The following TNR variants were observed in gnomAD, a reference collection of about 807,000 sequenced individuals.
TNR encodes the protein tenascin R.
Under a neutral mutation model 150.4 loss-of-function variants are expected in TNR, and 45 were observed. The observed-to-expected ratio is 0.30, with a 90% CI of 0.24 to 0.38. TNR has a LOEUF of 0.38. Ranked by LOEUF, TNR falls within the 10% of genes least tolerant of loss-of-function variation. TNR has a pLI of 1.00. For missense variants in TNR, 1,544 were observed against 1,759.1 expected (o/e 0.88, Z 2.19); for synonymous variants, 687 against 678.4 (o/e 1.01, Z -0.20).
chr1:175,541,688 C>T (rs982444224), intron 1 of TNR, among the ~76,000 whole-genome samples: 13 of 152,110 alleles, frequency 8.5e-5, no homozygotes, highest in Admixed American at 3.3e-4. Flanking sequence ...GTATATGTTG[C>T]TGCATGAGGT....
intron 2 of TNR, among the ~76,000 whole-genome samples, chr1:175,518,519 C>T (rs556118338): frequency 8.5e-5 from 13 of 152,228 alleles, no homozygotes; most frequent in African/African-American, 3.1e-4. Flanking sequence ...TCCATTAGAA[C>T]TCCTGCTGTA....
At chr1:175,643,099 T>A (rs1181430620) in intron 1 of TNR, among the ~76,000 whole-genome samples, 2 of 152,324 alleles carry the variant, frequency 1.3e-5, no homozygotes, top group East Asian at 3.9e-4. Context: ...GAAACAATGA[T>A]GTTTCTCTCA....
At chr1:175,721,804 G>T (rs188923043) in intron 1 of TNR, among the ~76,000 whole-genome samples, 1 of 152,048 alleles carries the variant, frequency 6.6e-6, no homozygotes, top group Admixed American at 6.6e-5. Context: ...CTCATCCTGC[G>T]CATCCACTCT....
intron 2 of TNR, among the ~76,000 whole-genome samples, chr1:175,412,482 G>A (rs1335384086): frequency 1.3e-5 from 2 of 152,084 alleles, no homozygotes; most frequent in African/African-American, 2.4e-5. Flanking sequence ...CCCAAATCAG[G>A]AGCAATTGTA....
intron 21 of TNR, among the ~76,000 whole-genome samples, chr1:175,328,179 T>G (rs969783161): frequency 6.6e-6 from 1 of 152,242 alleles, no homozygotes; most frequent in Admixed American, 6.5e-5. Context: ...TACTTCCTGT[T>G]TCTTTTTAAA....
rs1338703546 is a variant in TNR, at chr1:175,406,319, C to G, written c.396G>C (p.Gln132His). The change falls in exon 3 of 23, where the codon CAG becomes CAC. Residue 132 changes from glutamine to histidine, a missense_variant. Gln to His is a conservative substitution (Grantham distance 24). Coordinates refer to ENST00000367674, the MANE Select transcript of TNR (RefSeq NM_003285.3). ...KKACPCASSA[Q>H]VLQELLSRIE... is the part of the protein sequence containing the mutation. ...TCCGGCTCAGCAGCTCCTGCAGCAC[C>G]TGGGCTGAACTGGCACATGGACAGG... is the stretch of plus-strand genomic sequence containing the variant. 6.2e-7 allele frequency: 1 copy of G among 1,614,026 alleles called. No homozygotes were observed. The highest frequency in any genetic ancestry group is 8.5e-7 in the Non-Finnish European group (1 of 1,180,016).
intron 1 of TNR, among the ~76,000 whole-genome samples, chr1:175,547,521 G>A (rs955221614): frequency 2.0e-5 from 3 of 151,744 alleles, no homozygotes; most frequent in Admixed American, 2.0e-4. Flanking sequence ...AGGATGGGTG[G>A]CATGCTTTCT....
In TNR at chr1:175,607,404, A is replaced by G. The variant is rs1663444394; in HGVS notation, c.-164-79035T>C. Among the ~76,000 whole-genome samples, 5 of 152,218 alleles carry G rather than the reference A, an allele frequency of 3.3e-5. 1 individual carries two copies. The South Asian group carries it at 1.0e-3, about 31-fold the overall frequency. On this transcript the variant is annotated intron_variant, in intron 1 of 22. Transcript: ENST00000367674. ...ATGCAAGTTTGTGACTACAGCATCCATGGAGGTCTAATAGAGTGGGTACCT... is the reference window on the plus strand; with the variant it reads ...ATGCAAGTTTGTGACTACAGCATCCGTGGAGGTCTAATAGAGTGGGTACCT...
intron 1 of TNR, among the ~76,000 whole-genome samples, chr1:175,695,829 T>G (rs1666498598): frequency 6.6e-6 from 1 of 152,244 alleles, no homozygotes; most frequent in Non-Finnish European, 1.5e-5. Flanking sequence ...TGGATTGATA[T>G]CTATCTTCCT....
intron 1 of TNR, among the ~76,000 whole-genome samples, chr1:175,595,662 A>G (rs1662979388): frequency 1.3e-5 from 2 of 152,224 alleles, no homozygotes; most frequent in Non-Finnish European, 2.9e-5. Context: ...CCACTAAATT[A>G]CCAGACTGAA....
chr1:175,626,964 G>A (rs1201472231), intron 1 of TNR, among the ~76,000 whole-genome samples: 1 of 152,176 alleles, frequency 6.6e-6, no homozygotes, highest in Non-Finnish European at 1.5e-5. Context: ...GGAATGCCTG[G>A]AGCCCCCAGA....
At chr1:175,427,707 C>A in intron 2 of TNR, among the ~76,000 whole-genome samples, 1 of 43,456 alleles carries the variant, frequency 2.3e-5, no homozygotes, top group African/African-American at 8.4e-5. Flanking sequence ...CCTTCCTTCC[C>A]TTCTTCCCTC....
chr1:175,406,129 T>C, intron 3 of TNR, 87 bp downstream of exon 3: 1 of 1,506,798 alleles, frequency 6.6e-7, no homozygotes, highest in Non-Finnish European at 8.9e-7. Flanking sequence ...TCGCTGGAAG[T>C]GCATTGGTCC....
At position 175,685,531 on chromosome 1, in the gene TNR, C is replaced by A. The variant is rs1666163776; in HGVS notation, c.-165+57695G>T. ...CCATGAGTTTCATTCTGCCCATGAC[C>A]ATGAATCCTGGCCAATATTCTCTCA... is the stretch of plus-strand genomic sequence containing the variant. On this transcript the variant is annotated intron_variant, in intron 1 of 22. Coordinates refer to ENST00000367674, the MANE Select transcript of TNR (RefSeq NM_003285.3). Among the ~76,000 whole-genome samples, 4 of 152,158 alleles carry A rather than the reference C, an allele frequency of 2.6e-5. No individual in the cohort carries two copies. The South Asian group carries it at 8.3e-4, about 32-fold the overall frequency.
intron 1 of TNR, among the ~76,000 whole-genome samples, chr1:175,606,639 C>A (rs115911882): frequency 6.6e-6 from 1 of 152,114 alleles, no homozygotes; most frequent in Non-Finnish European, 1.5e-5. Flanking sequence ...GGGCTGCAGA[C>A]CCTTGTCCAG....
At chr1:175,742,334 G>A (rs148013975) in intron 1 of TNR, among the ~76,000 whole-genome samples, 479 of 152,246 alleles carry the variant, frequency 3.1e-3, no homozygotes, top group Admixed American at 4.8e-3. Context: ...TTTTGTTTCT[G>A]CTCACCCTAG....
chr1:175,439,763 C>T (rs1655693194), intron 2 of TNR, among the ~76,000 whole-genome samples: 1 of 152,324 alleles, frequency 6.6e-6, no homozygotes, highest in East Asian at 1.9e-4. Flanking sequence ...AGCCAAAAAA[C>T]ACATGAAAAA....
chr1:175,690,345 G>C (rs1210524009), intron 1 of TNR, among the ~76,000 whole-genome samples: 1 of 152,212 alleles, frequency 6.6e-6, no homozygotes, highest in African/African-American at 2.4e-5. Context: ...ATATGATCTG[G>C]TGACAAGTGT....
At chr1:175,405,618 A>AGTGTGTGTGT (rs60670165) in intron 3 of TNR, among the ~76,000 whole-genome samples, 12 of 150,206 alleles carry the variant, frequency 8.0e-5, no homozygotes, top group Middle Eastern at 3.5e-3. Context: ...TGTGTGTGAG[A>AGTGTGTGTGT]GTGTGTGTGT....
Sources: allele counts gnomAD v4.1 joint callset (sites outside exome capture counted in the v4.1 genomes callset), GRCh38; gene constraint gnomAD v4.1.1; transcripts MANE v1.5; gene names NCBI Gene and HGNC (gene_info 2026-07-23, HGNC 2026-07-21).